SLC20A2: variants seen among roughly 807,000 people sequenced by gnomAD.
The protein encoded by SLC20A2 is sodium-dependent phosphate transporter 2.
In SLC20A2, 30 loss-of-function variants were observed where a neutral mutation model predicts 61.0. The ratio of observed to expected loss-of-function variants is 0.49; its 90% CI spans 0.37 to 0.67. The LOEUF is 0.67. Among genes scored for constraint, SLC20A2 ranks in the 30% least tolerant of loss-of-function variants. The pLI, the probability that SLC20A2 is intolerant of heterozygous loss-of-function variation, is 0.00. For synonymous variants in SLC20A2, 351 were observed against 353.3 expected (o/e 0.99, Z 0.07); for missense variants, 626 against 866.4 (o/e 0.72, Z 3.48).
intron 6 of SLC20A2, among the ~76,000 whole-genome samples, chr8:42,444,022 G>T (rs1489604539): frequency 1.3e-5 from 2 of 152,090 alleles, no homozygotes; most frequent in Non-Finnish European, 2.9e-5. Context: ...ACTCAATTTG[G>T]TTACCCATTT....
chr8:42,470,616 C>T (rs946532460), intron 2 of SLC20A2, among the ~76,000 whole-genome samples: 2 of 152,076 alleles, frequency 1.3e-5, no homozygotes, highest in African/African-American at 4.8e-5. Flanking sequence ...TATCAGACGC[C>T]TCGAACAACA....
chr8:42,532,356 C>A (rs1812388816), intron 1 of SLC20A2, among the ~76,000 whole-genome samples: 1 of 152,128 alleles, frequency 6.6e-6, no homozygotes, highest in Non-Finnish European at 1.5e-5. Flanking sequence ...CCTGCCTTCC[C>A]CACCTCCACC....
Position 42,437,494 on chromosome 8 carries a change from C to T in SLC20A2, c.1018G>A (p.Asp340Asn), listed in dbSNP as rs1171993530. ...TFGFDGHTRS[D>N]GHVYHTVHKD... ...TGCACGGTGTGGTACACATGACCGT[C>T]GCTCCTGGTGTGGCCGTCGAAGCCG... Residue 340 changes from aspartate (D) to asparagine (N), a missense_variant, in exon 8 of 11, where the codon GAC (aspartate) becomes AAC (asparagine). Asp to Asn is a conservative substitution (Grantham distance 23). This residue lies in a region of SLC20A2 where 361 missense variants were observed against 422.3 expected (regional missense o/e 0.85). Coordinates refer to ENST00000520262, the MANE Select transcript of SLC20A2 (RefSeq NM_001257180.2). The surrounding 1 kb of genome is among the most constrained non-coding windows in gnomAD (Gnocchi z 6.4). 3.7e-6 allele frequency: 6 copies of T among 1,614,034 alleles called. No individual in the cohort carries two copies. The highest frequency in any genetic ancestry group is 3.3e-5 in the Admixed American group (2 of 60,008).
At chr8:42,528,426 C>T (rs1812117573) in intron 1 of SLC20A2, among the ~76,000 whole-genome samples, 1 of 151,064 alleles carries the variant, frequency 6.6e-6, no homozygotes, top group Non-Finnish European at 1.5e-5. Context: ...AATGCCACTG[C>T]ACTCCAGCCT....
intron 1 of SLC20A2, among the ~76,000 whole-genome samples, chr8:42,508,637 C>T (rs913886400): frequency 6.6e-6 from 1 of 152,048 alleles, no homozygotes; most frequent in African/African-American, 2.4e-5. Context: ...GTGATCCGTC[C>T]GCCTCGGCCT....
At chr8:42,467,396 C>T (rs890931609) in intron 2 of SLC20A2, among the ~76,000 whole-genome samples, 2 of 152,038 alleles carry the variant, frequency 1.3e-5, no homozygotes, top group African/African-American at 4.8e-5. Flanking sequence ...AAGCATCAAC[C>T]GGGAGAGATC....
chr8:42,498,961 A>C (rs537307815), intron 1 of SLC20A2, among the ~76,000 whole-genome samples: 1 of 152,328 alleles, frequency 6.6e-6, no homozygotes, highest in East Asian at 1.9e-4. Flanking sequence ...TCTGAGCAGA[A>C]GGCTATCCCT....
chr8:42,465,693 A>G (rs1807103252), intron 3 of SLC20A2, 84 bp downstream of exon 3: 3 of 1,300,270 alleles, frequency 2.3e-6, no homozygotes, highest in Non-Finnish European at 3.1e-6. Flanking sequence ...CCGGGTCAAA[A>G]AAAAAAAAAA....
chr8:42,483,622 C>G (rs1459636291), intron 1 of SLC20A2, among the ~76,000 whole-genome samples: 1 of 152,200 alleles, frequency 6.6e-6, no homozygotes, highest in African/African-American at 2.4e-5. Context: ...ACATTTTCTC[C>G]TTTCTTCCTT....
intron 1 of SLC20A2, among the ~76,000 whole-genome samples, chr8:42,514,877 G>A (rs1314771092): frequency 6.6e-6 from 1 of 152,132 alleles, no homozygotes; most frequent in African/African-American, 2.4e-5. Flanking sequence ...GCTTAGGGAA[G>A]CCTGGTGTAA....
rs1196705029 is a variant in SLC20A2, at chr8:42,495,442, T to C, written c.-265+5589A>G. On this transcript the variant is annotated intron_variant, in intron 1 of 10. Coordinates refer to ENST00000520262, the MANE Select transcript of SLC20A2 (RefSeq NM_001257180.2). ...GATCAGCTCCCTGTGCCCTCTGGAGTGGGGAGACACGTCGATCTTATCTCT... is the reference window on the plus strand; with the variant it reads ...GATCAGCTCCCTGTGCCCTCTGGAGCGGGGAGACACGTCGATCTTATCTCT... Among the ~76,000 whole-genome samples, 3 of 152,042 alleles carry C rather than the reference T, an allele frequency of 2.0e-5. No individual in the cohort carries two copies. In the South Asian group the frequency reaches 6.2e-4, roughly 32 times the overall value.
At chr8:42,502,300 C>A (rs1810375479), upstream of SLC20A2, 1 of 152,102 alleles carries the variant, frequency 6.6e-6, no homozygotes. Flanking sequence ...TCCTATAGAC[C>A]TTTTCAGAGC....
chr8:42,442,879 C>G (rs2131041372), intron 6 of SLC20A2, among the ~76,000 whole-genome samples: 1 of 152,210 alleles, frequency 6.6e-6, no homozygotes, highest in East Asian at 1.9e-4. Context: ...GCAGATATAT[C>G]CATACCAAAA....
intron 1 of SLC20A2, chr8:42,484,740 G>C (rs1017970181): frequency 2.8e-6 from 1 of 359,974 alleles, no homozygotes. Context: ...CATGATCCAA[G>C]AGAGCCTGAC....
At chr8:42,469,095 A>C (rs1227915232) in intron 2 of SLC20A2, among the ~76,000 whole-genome samples, 1 of 152,174 alleles carries the variant, frequency 6.6e-6, no homozygotes, top group Non-Finnish European at 1.5e-5. Context: ...AAGCAAACAG[A>C]ATAGAATTAA....
At chr8:42,485,205 A>G (rs960299407) in intron 1 of SLC20A2, among the ~76,000 whole-genome samples, 3 of 152,078 alleles carry the variant, frequency 2.0e-5, no homozygotes, top group South Asian at 4.1e-4. Context: ...ACTGCATGGA[A>G]TGTTCAGGGA....
At chr8:42,461,403 C>T (rs1034178033) in intron 4 of SLC20A2, among the ~76,000 whole-genome samples, 2 of 151,978 alleles carry the variant, frequency 1.3e-5, no homozygotes, top group Non-Finnish European at 2.9e-5. Flanking sequence ...TGCAGGTGGA[C>T]AGCCCCGAGT....
intron 1 of SLC20A2, among the ~76,000 whole-genome samples, chr8:42,485,723 G>A (rs536849889): frequency 6.0e-5 from 9 of 150,776 alleles, no homozygotes; most frequent in Admixed American, 2.6e-4. Flanking sequence ...TGAGGCGGGC[G>A]GATCACAAGG....
intron 5 of SLC20A2, among the ~76,000 whole-genome samples, chr8:42,446,673 A>G (rs961336013): frequency 1.3e-5 from 2 of 152,168 alleles, no homozygotes; most frequent in Admixed American, 6.6e-5. Context: ...CCACCTTTCC[A>G]CATTCCCGTC....
Sources: gnomAD v4.1 joint callset for allele counts (sites outside exome capture counted in the v4.1 genomes callset) on GRCh38, gnomAD v4.1.1 for gene constraint, gnomAD v4.1.1 regional missense constraint, Gnocchi (gnomAD v3.1) non-coding constraint, MANE v1.5 for transcripts, NCBI Gene and HGNC (gene_info 2026-07-23, HGNC 2026-07-21) for gene names.